DYRK1A: variants seen among roughly 807,000 people sequenced by gnomAD.
DYRK1A encodes the protein dual specificity tyrosine-phosphorylation-regulated kinase 1A.
In DYRK1A, 9 loss-of-function variants were observed where a neutral mutation model predicts 79.7. That is an observed-to-expected ratio of 0.11 (90% CI 0.07 to 0.20). DYRK1A has a LOEUF of 0.20. DYRK1A is among the 10% of genes least tolerant of loss of function. DYRK1A has a pLI of 1.00. For missense variants in DYRK1A, 622 were observed against 956.0 expected (o/e 0.65, Z 4.61); for synonymous variants, 349 against 329.7 (o/e 1.06, Z -0.63).
chr21:37,389,164 C>T (rs1271573490), intron 1 of DYRK1A, among the ~76,000 whole-genome samples: 2 of 149,922 alleles, frequency 1.3e-5, no homozygotes, highest in East Asian at 3.9e-4. Flanking sequence ...AGGCATGAGC[C>T]ACCACTACTT....
At position 37,512,195 on chromosome 21, in the gene DYRK1A, C is replaced by T; in HGVS notation, c.1929C>T (p.His643=). The T allele has an allele frequency of 6.2e-7, 1 of 1,614,204 alleles. No homozygotes were observed. The highest frequency in any genetic ancestry group is 8.5e-7 in the Non-Finnish European group (1 of 1,180,034). The stretch of plus-strand genomic sequence containing the variant: ...ATTCTATGGAGGTTGGCCACAGTCA[C>T]CACTCCATGACATCCCTGTCTTCCT... ...TQDSMEVGHS[H]HSMTSLSSST... The change falls in exon 12 of 12, where the codon CAC becomes CAT. Residue 643 remains histidine, a synonymous_variant. Transcript: ENST00000647188.
intron 2 of DYRK1A, among the ~76,000 whole-genome samples, chr21:37,464,011 T>A (rs915075619): frequency 1.3e-5 from 2 of 152,228 alleles, no homozygotes; most frequent in Non-Finnish European, 2.9e-5. Context: ...ACAGGAATGG[T>A]CCCCTGTTAA....
At chr21:37,486,180 GTTAAT>G (rs1434402942) in intron 5 of DYRK1A, 13 of 187,064 alleles carry the variant, frequency 6.9e-5, no homozygotes, top group Admixed American at 1.8e-4. Flanking sequence ...GAGGAAAATA[GTTAAT>G]TTAATTTTAT....
chr21:37,460,470 T>C (rs1011511743), intron 2 of DYRK1A, among the ~76,000 whole-genome samples: 7 of 152,214 alleles, frequency 4.6e-5, no homozygotes, highest in Non-Finnish European at 1.0e-4. Context: ...TGTTAGCCAC[T>C]AGCCTCCAGT....
intron 2 of DYRK1A, among the ~76,000 whole-genome samples, chr21:37,457,313 A>G (rs930280915): frequency 6.6e-6 from 1 of 151,910 alleles, no homozygotes; most frequent in Non-Finnish European, 1.5e-5. Flanking sequence ...GCTCACTGCA[A>G]CCTCCACCTC....
chr21:37,433,864 C>T (rs182304363), intron 2 of DYRK1A, among the ~76,000 whole-genome samples: 13 of 152,246 alleles, frequency 8.5e-5, no homozygotes, highest in Admixed American at 2.6e-4. Context: ...TGGGATCTTA[C>T]GCATTATGTT....
At chr21:37,411,375 C>A (rs537466295) in intron 1 of DYRK1A, among the ~76,000 whole-genome samples, 1 of 148,000 alleles carries the variant, frequency 6.8e-6, no homozygotes, top group African/African-American at 2.5e-5. Flanking sequence ...CCCCTCCCCC[C>A]CAAAAAATGA....
At chr21:37,457,042 T>C (rs1450632100) in intron 2 of DYRK1A, among the ~76,000 whole-genome samples, 18 of 29,500 alleles carry the variant, frequency 6.1e-4, no homozygotes, top group African/African-American at 2.0e-3. Context: ...ACTTACTTAT[T>C]TATTTATTTA....
intron 1 of DYRK1A, among the ~76,000 whole-genome samples, chr21:37,386,636 C>T (rs1249541424): frequency 6.6e-6 from 1 of 152,208 alleles, no homozygotes; most frequent in Non-Finnish European, 1.5e-5. Context: ...CTTTTGGATG[C>T]AGCTATTGAA....
intron 2 of DYRK1A, among the ~76,000 whole-genome samples, chr21:37,458,436 A>T (rs1418596227): frequency 6.6e-6 from 1 of 152,114 alleles, no homozygotes; most frequent in Non-Finnish European, 1.5e-5. Flanking sequence ...TTAAGCTCTA[A>T]ACAGAGGCTC....
chr21:37,368,375 A>G (rs761365836), intron 1 of DYRK1A, among the ~76,000 whole-genome samples: 9 of 152,238 alleles, frequency 5.9e-5, no homozygotes, highest in Non-Finnish European at 1.0e-4. Flanking sequence ...CGGAGCCACC[A>G]AAGCTGCTGA....
At chr21:37,407,162 G>T (rs1377188331) in intron 1 of DYRK1A, among the ~76,000 whole-genome samples, 1 of 152,076 alleles carries the variant, frequency 6.6e-6, no homozygotes, top group Non-Finnish European at 1.5e-5. Context: ...GAGTACAACT[G>T]TTTCGGATTT....
intron 2 of DYRK1A, among the ~76,000 whole-genome samples, chr21:37,463,451 CTG>C (rs1853082813): frequency 6.6e-6 from 1 of 152,132 alleles, no homozygotes; most frequent in African/African-American, 2.4e-5. Flanking sequence ...GAGCAGTTGA[CTG>C]AGCAATAGCT....
At chr21:37,475,182 G>A (rs1417884300) in intron 3 of DYRK1A, among the ~76,000 whole-genome samples, 1 of 152,306 alleles carries the variant, frequency 6.6e-6, no homozygotes, top group East Asian at 1.9e-4. Flanking sequence ...CTAGCTCCTG[G>A]AGGCAGATAG....
chr21:37,472,893 A>G lies in DYRK1A; in HGVS notation c.207+13A>G, dbSNP rs1170090158. Reference sequence around the variant, plus strand: ...TCTAACTAACCAGGTAAGTTCATGGAGTATCAGAAATGACTATTGGAATGG... The same window carrying G: ...TCTAACTAACCAGGTAAGTTCATGGGGTATCAGAAATGACTATTGGAATGG... On this transcript the variant is annotated intron_variant, in intron 3 of 11. Transcript: ENST00000647188. 3 of 1,506,928 alleles carry G rather than the reference A, an allele frequency of 2.0e-6. No homozygotes were observed. Among genetic ancestry groups the G allele is most frequent in the Admixed American group, 1.9e-5 (1 of 52,828 alleles). The allele number at this position is 1,506,928 out of a possible 1,614,324, so 93.3% of individuals were successfully genotyped here.
intron 11 of DYRK1A, among the ~76,000 whole-genome samples, chr21:37,511,069 G>T (rs1240020410): frequency 2.0e-5 from 3 of 152,164 alleles, no homozygotes; most frequent in African/African-American, 4.8e-5. Flanking sequence ...AGGGAGCAGC[G>T]TGTTACTAGT....
chr21:37,417,978 C>G (rs1310626687), intron 1 of DYRK1A, among the ~76,000 whole-genome samples: 3 of 151,972 alleles, frequency 2.0e-5, no homozygotes, highest in Non-Finnish European at 4.4e-5. Flanking sequence ...AAAATATACT[C>G]TATATTTTTC....
At chr21:37,394,888 G>A (rs912501517) in intron 1 of DYRK1A, among the ~76,000 whole-genome samples, 1 of 152,154 alleles carries the variant, frequency 6.6e-6, no homozygotes, top group Non-Finnish European at 1.5e-5. Context: ...TATGTACTTC[G>A]TGAAATCAGT....
intron 9 of DYRK1A, among the ~76,000 whole-genome samples, chr21:37,500,478 T>G (rs1419236724): frequency 6.6e-6 from 1 of 152,192 alleles, no homozygotes; most frequent in Non-Finnish European, 1.5e-5. Context: ...TGTGCTGGAC[T>G]TGTGAAACTA....
Sources: gnomAD v4.1 joint callset for allele counts (sites outside exome capture counted in the v4.1 genomes callset) on GRCh38, gnomAD v4.1.1 for gene constraint, MANE v1.5 for transcripts, NCBI Gene and HGNC (gene_info 2026-07-23, HGNC 2026-07-21) for gene names.